Variants in LRP1B observed in about 807,000 individuals in gnomAD.
The protein encoded by LRP1B is LDL receptor related protein 1B, also known as low-density lipoprotein receptor-related protein 1B.
Under a neutral mutation model 556.6 loss-of-function variants are expected in LRP1B, and 217 were observed. The ratio of observed to expected loss-of-function variants is 0.39; its 90% CI spans 0.35 to 0.44. The LOEUF (loss-of-function observed/expected upper bound fraction) is 0.44, where lower values mean the gene tolerates loss of function less well. Among genes scored for constraint, LRP1B ranks in the 20% least tolerant of loss-of-function variants. The probability of loss-of-function intolerance (pLI) is 1.00; values close to 1 mark genes in which losing one functional copy is unlikely to be tolerated. For missense variants in LRP1B, 5,053 were observed against 5,620.8 expected (o/e 0.90, Z 3.23); for synonymous variants, 2,047 against 1,865.8 (o/e 1.10, Z -2.50).
chr2:140,900,189 T>C (rs902542140), intron 23 of LRP1B, among the ~76,000 whole-genome samples: 3 of 152,200 alleles, frequency 2.0e-5, no homozygotes, highest in Non-Finnish European at 4.4e-5. Context: ...TGTATTTAAA[T>C]GTTGAATTAT....
chr2:140,529,669 G>C (rs1690601484), intron 47 of LRP1B, among the ~76,000 whole-genome samples: 3 of 151,966 alleles, frequency 2.0e-5, no homozygotes, highest in Admixed American at 6.6e-5. Flanking sequence ...CTCTCCTTTA[G>C]GGAGGATCAG....
intron 84 of LRP1B, among the ~76,000 whole-genome samples, chr2:140,275,720 G>C (rs1682643763): frequency 6.6e-6 from 1 of 151,898 alleles, no homozygotes; most frequent in Admixed American, 6.6e-5. Context: ...CCTTTTCTAA[G>C]GTAAGAGACT....
chr2:141,788,433 T>C (rs1029809482), intron 2 of LRP1B, among the ~76,000 whole-genome samples: 1 of 152,030 alleles, frequency 6.6e-6, no homozygotes, highest in Non-Finnish European at 1.5e-5. Context: ...ATGATATTAT[T>C]AGAAGCTGTG....
In LRP1B at chr2:141,524,284, C is replaced by T. The variant is rs144002767; in HGVS notation, c.206-43751G>A. ...AAAGAATATATATATATATATAAAA[C>T]TCAATGCCTAAGAACATGTTATGTT... On this transcript the variant is annotated intron_variant, in intron 2 of 90. Transcript: ENST00000389484. Among the ~76,000 whole-genome samples, 986 of 109,480 alleles carry T rather than the reference C, an allele frequency of 9.0e-3. 6 individuals carry two copies. The highest frequency in any genetic ancestry group is 0.016 in the Non-Finnish European group (731 of 46,380). 71.8% of individuals were successfully genotyped at this position (109,480 alleles called of 152,430 possible).
intron 6 of LRP1B, among the ~76,000 whole-genome samples, chr2:141,205,222 T>G (rs2105235451): frequency 6.6e-6 from 1 of 152,298 alleles, no homozygotes; most frequent in African/African-American, 2.4e-5. Context: ...TCTAACTTTA[T>G]ATGATGATTA....
Position 140,990,580 on chromosome 2 carries a change from G to A in LRP1B, c.2645-923C>T, listed in dbSNP as rs540929277. 2.0e-5 allele frequency among the ~76,000 whole-genome samples: 3 copies of A among 151,736 alleles called. No homozygotes were observed. In the East Asian group the frequency reaches 5.9e-4, roughly 30 times the overall value. ...TTACTTAAAAAAAAAAAATCATCAT[G>A]AGTTTTCTTCCCTAGTACAAACAAA... On this transcript the variant is annotated intron_variant, in intron 16 of 90. Transcript: ENST00000389484.
At chr2:141,685,455 AG>A (rs1160818227) in intron 2 of LRP1B, among the ~76,000 whole-genome samples, 9 of 152,214 alleles carry the variant, frequency 5.9e-5, no homozygotes, top group African/African-American at 2.2e-4. Flanking sequence ...TGGAGGCCAG[AG>A]GGTGGACCAT....
At chr2:140,625,787 G>A (rs1321968714) in intron 41 of LRP1B, among the ~76,000 whole-genome samples, 1 of 152,096 alleles carries the variant, frequency 6.6e-6, no homozygotes, top group Non-Finnish European at 1.5e-5. Context: ...AATGTTAGGT[G>A]GTACAGCCAC....
At chr2:141,314,516 G>A (rs1340782947) in intron 3 of LRP1B, among the ~76,000 whole-genome samples, 1 of 152,028 alleles carries the variant, frequency 6.6e-6, no homozygotes, top group African/African-American at 2.4e-5. Flanking sequence ...CTACGGCCGG[G>A]CGCGGTGGCT....
chr2:141,599,065 C>CCCCCCCCCG (rs1687637838), intron 2 of LRP1B, among the ~76,000 whole-genome samples: 1 of 84,188 alleles, frequency 1.2e-5, no homozygotes, highest in African/African-American at 5.2e-5. Context: ...CCCCCCCCCC[C>CCCCCCCCCG]CCCCCCCCCG....
intron 2 of LRP1B, among the ~76,000 whole-genome samples, chr2:141,520,368 C>G (rs956793650): frequency 6.6e-6 from 1 of 152,076 alleles, no homozygotes; most frequent in East Asian, 1.9e-4. Context: ...AACAAAAGGC[C>G]CTGACTAAAG....
intron 2 of LRP1B, among the ~76,000 whole-genome samples, chr2:141,516,039 C>G (rs72852436): frequency 0.06 from 9,124 of 152,138 alleles, 345 homozygotes; most frequent in South Asian, 0.18. Flanking sequence ...CAATTCAGGG[C>G]CAGCACCTCT....
At chr2:140,494,462 G>A (rs144870214) in intron 56 of LRP1B, among the ~76,000 whole-genome samples, 6,226 of 151,968 alleles carry the variant, frequency 0.041, 164 homozygotes, top group Non-Finnish European at 0.047. Context: ...AAAATTAGCC[G>A]GGTGTGGTGG....
At chr2:140,548,861 G>T (rs1188211943) in intron 43 of LRP1B, among the ~76,000 whole-genome samples, 4 of 151,996 alleles carry the variant, frequency 2.6e-5, no homozygotes, top group Non-Finnish European at 5.9e-5. Context: ...GGAGGCAAAG[G>T]TTGCAGTGAG....
At chr2:140,983,248 T>C (rs750519128) in intron 17 of LRP1B, among the ~76,000 whole-genome samples, 7 of 152,070 alleles carry the variant, frequency 4.6e-5, no homozygotes, top group Non-Finnish European at 1.0e-4. Context: ...ACCCTTTCCT[T>C]TCATTGGACT....
intron 41 of LRP1B, among the ~76,000 whole-genome samples, chr2:140,631,540 T>A (rs1683884086): frequency 6.6e-6 from 1 of 152,180 alleles, no homozygotes; most frequent in Non-Finnish European, 1.5e-5. Flanking sequence ...GTTCATCAGT[T>A]AGACTGAATA....
intron 80 of LRP1B, 52 bp from the exon 81 acceptor site, chr2:140,324,118 TTAAAAAC>T (rs750305570): frequency 1.8e-6 from 2 of 1,099,876 alleles, no homozygotes; most frequent in African/African-American, 1.6e-5. Flanking sequence ...TACTCAGACT[TTAAAAAC>T]TATGTTTATC....
At chr2:141,263,734 T>C (rs1266444818) in intron 3 of LRP1B, among the ~76,000 whole-genome samples, 1 of 152,144 alleles carries the variant, frequency 6.6e-6, no homozygotes. Context: ...CTTATGAATA[T>C]AGATGTGAAA....
chr2:140,949,299 A>G (rs1159215852), intron 20 of LRP1B, among the ~76,000 whole-genome samples: 1 of 152,198 alleles, frequency 6.6e-6, no homozygotes, highest in African/African-American at 2.4e-5. Context: ...TACTAATTGT[A>G]TGATTGCTTG....
Sources: allele counts gnomAD v4.1 joint callset (sites outside exome capture counted in the v4.1 genomes callset), GRCh38; gene constraint gnomAD v4.1.1; transcripts MANE v1.5; gene names NCBI Gene and HGNC (gene_info 2026-07-23, HGNC 2026-07-21).